WWOX: variants seen among roughly 807,000 people sequenced by gnomAD.
The protein encoded by WWOX is WW domain-containing oxidoreductase.
In WWOX, 69 loss-of-function variants were observed where a neutral mutation model predicts 46.2. The ratio of observed to expected loss-of-function variants is 1.49; its 90% CI spans 1.23 to 1.82. The LOEUF (loss-of-function observed/expected upper bound fraction) is 1.82. WWOX is among the 40% of genes most tolerant of loss of function. The pLI, the probability that WWOX is intolerant of heterozygous loss-of-function variation, is 0.00. For missense variants in WWOX, 919 were observed against 542.6 expected (o/e 1.69, Z -6.89); for synonymous variants, 359 against 202.6 (o/e 1.77, Z -6.56).
intron 8 of WWOX, among the ~76,000 whole-genome samples, chr16:78,862,676 A>G (rs1191208981): frequency 6.6e-6 from 1 of 152,138 alleles, no homozygotes; most frequent in Non-Finnish European, 1.5e-5. Flanking sequence ...TCCAAGTCTG[A>G]GTCCAAGGGC....
intron 4 of WWOX, among the ~76,000 whole-genome samples, chr16:78,157,787 G>A (rs1173829940): frequency 2.0e-5 from 3 of 152,202 alleles, no homozygotes; most frequent in Non-Finnish European, 4.4e-5. Flanking sequence ...CAGCCCTCGG[G>A]TTACCATTGG....
chr16:79,010,151 T>C (rs1181022560), intron 8 of WWOX, among the ~76,000 whole-genome samples: 1 of 152,164 alleles, frequency 6.6e-6, no homozygotes, highest in Non-Finnish European at 1.5e-5. Flanking sequence ...TTAAAAATAA[T>C]CCACCCATGA....
At position 78,607,280 on chromosome 16, in the gene WWOX, A is replaced by G. The variant is rs1184419965; in HGVS notation, c.1056+174528A>G. Among the ~76,000 whole-genome samples the G allele has an allele frequency of 2.6e-5, 4 of 152,332 alleles. No individual in the cohort carries two copies. In the East Asian group the frequency reaches 7.7e-4, roughly 29 times the overall value. The stretch of plus-strand genomic sequence containing the variant: ...ATATTTAATAAACTATATTAAAAAT[A>G]TATACAAAATAGTTGTAAGAATCGG... On this transcript the variant is annotated intron_variant, in intron 8 of 8. Transcript: ENST00000566780.
rs71140808 is a variant in WWOX at position 78,527,991 on chromosome 16, CTTTTTTTTTTTT to C, written c.1056+95253_1056+95264del. On this transcript the variant is annotated intron_variant, in intron 8 of 8. Transcript: ENST00000566780. Reference sequence around the variant, plus strand: ...CTATGTCACAGGACTGGTACATGTCCTTTTTTTTTTTTTTTTTTTTTTTTTGAGACGGAGTCT... The same window carrying C: ...CTATGTCACAGGACTGGTACATGTCCTTTTTTTTTTTTTGAGACGGAGTCT... 1.4e-4 allele frequency among the ~76,000 whole-genome samples: 5 copies of C among 34,886 alleles called. 1 individual carries two copies. Among genetic ancestry groups the C allele is most frequent in the East Asian group, 9.8e-4 (1 of 1,024 alleles). 22.9% of individuals were successfully genotyped at this position (34,886 alleles called of 152,430 possible).
intron 8 of WWOX, among the ~76,000 whole-genome samples, chr16:78,495,609 A>G (rs1034785906): frequency 6.6e-6 from 1 of 151,340 alleles, no homozygotes; most frequent in African/African-American, 2.4e-5. Context: ...CCTGGGTTCA[A>G]GTGACTCTCT....
intron 5 of WWOX, among the ~76,000 whole-genome samples, chr16:78,326,003 G>T (rs187129405): frequency 6.6e-6 from 1 of 152,220 alleles, no homozygotes; most frequent in Non-Finnish European, 1.5e-5. Flanking sequence ...CTCTTTTGCA[G>T]ATGAGGAAAT....
rs373042345 is a variant in WWOX, at chr16:78,607,940, T to C, written c.1056+175188T>C. ...TAAAAATATTGCTGGCTCTGAATTA[T>C]GGAAAGAAAATCGCAAAGTTAAAAT... On this transcript the variant is annotated intron_variant, in intron 8 of 8. Transcript: ENST00000566780. Among the ~76,000 whole-genome samples, 18 of 152,282 alleles carry C rather than the reference T, an allele frequency of 1.2e-4. No homozygotes were observed. In the South Asian group the frequency reaches 2.5e-3, roughly 21 times the overall value.
chr16:78,914,487 T>C (rs2045194918), intron 8 of WWOX, among the ~76,000 whole-genome samples: 1 of 152,010 alleles, frequency 6.6e-6, no homozygotes, highest in Admixed American at 6.6e-5. Context: ...ATGCAGAAGA[T>C]TTCTTATGTG....
At chr16:78,313,816 T>C (rs941068228) in intron 5 of WWOX, among the ~76,000 whole-genome samples, 1 of 152,198 alleles carries the variant, frequency 6.6e-6, no homozygotes, top group Non-Finnish European at 1.5e-5. Flanking sequence ...CACTAGCCTT[T>C]GATCCTTCCT....
chr16:78,491,643 C>T (rs2084787913), intron 8 of WWOX, among the ~76,000 whole-genome samples: 1 of 152,032 alleles, frequency 6.6e-6, no homozygotes, highest in Non-Finnish European at 1.5e-5. Flanking sequence ...GTCTTGTTTT[C>T]AATGCAGTAT....
rs147593763 is a variant in WWOX, at chr16:78,292,889, C to G, written c.517-93971C>G. 4.7e-3 allele frequency among the ~76,000 whole-genome samples: 714 copies of G among 152,240 alleles called. 3 individuals carry two copies. The highest frequency in any genetic ancestry group is 0.016 in the African/African-American group (678 of 41,556). ...AGGATTCCAAATCAGAATCTTCAAG[C>G]CAGTGATCCAGGCCAAAGGTATTCT... On this transcript the variant is annotated intron_variant, in intron 5 of 8. Coordinates refer to ENST00000566780, the MANE Select transcript of WWOX (RefSeq NM_016373.4).
At chr16:78,665,408 A>T (rs1390215765) in intron 8 of WWOX, among the ~76,000 whole-genome samples, 1 of 152,140 alleles carries the variant, frequency 6.6e-6, no homozygotes, top group Non-Finnish European at 1.5e-5. Context: ...TACTGAATAT[A>T]ACTATTGAGT....
At chr16:79,116,320 G>A (rs545378567) in intron 8 of WWOX, among the ~76,000 whole-genome samples, 9 of 152,274 alleles carry the variant, frequency 5.9e-5, no homozygotes, top group East Asian at 3.9e-4. Flanking sequence ...ATGCACTGCC[G>A]TTTGACATCA....
At chr16:78,398,928 C>A (rs929657311) in intron 6 of WWOX, among the ~76,000 whole-genome samples, 1 of 152,178 alleles carries the variant, frequency 6.6e-6, no homozygotes, top group Non-Finnish European at 1.5e-5. Context: ...TTACTGCCTT[C>A]TAGTACAAGG....
intron 8 of WWOX, among the ~76,000 whole-genome samples, chr16:79,120,273 A>G (rs2150674125): frequency 6.6e-6 from 1 of 152,278 alleles, no homozygotes; most frequent in South Asian, 2.1e-4. Context: ...ATTCAGGTAC[A>G]TATACCCTTC....
rs1430091151 is a variant in WWOX at position 78,929,286 on chromosome 16, T to A, written c.1057-282322T>A. 2.6e-5 allele frequency among the ~76,000 whole-genome samples: 4 copies of A among 152,070 alleles called. No individual in the cohort carries two copies. In the East Asian group the frequency reaches 7.7e-4, roughly 29 times the overall value. On this transcript the variant is annotated intron_variant, in intron 8 of 8. Transcript: ENST00000566780. Reference sequence around the variant, plus strand: ...TTTTTGTATTTAAGTTTCCTAGCAGTTCTCTTTTTTAAGAGCCTCAAGTGT... The same window carrying A: ...TTTTTGTATTTAAGTTTCCTAGCAGATCTCTTTTTTAAGAGCCTCAAGTGT...
intron 8 of WWOX, among the ~76,000 whole-genome samples, chr16:78,912,698 T>C (rs1363504255): frequency 6.6e-6 from 1 of 152,020 alleles, no homozygotes; most frequent in African/African-American, 2.4e-5. Context: ...TCCCTTCAGC[T>C]CTCATAAAAC....
At chr16:78,726,836 G>T (rs979899685) in intron 8 of WWOX, among the ~76,000 whole-genome samples, 1 of 152,100 alleles carries the variant, frequency 6.6e-6, no homozygotes, top group Admixed American at 6.6e-5. Flanking sequence ...GAGGCTTTCA[G>T]TTTCTTCATC....
intron 8 of WWOX, among the ~76,000 whole-genome samples, chr16:78,723,272 G>A (rs959666345): frequency 9.9e-5 from 15 of 152,088 alleles, no homozygotes; most frequent in African/African-American, 3.6e-4. Flanking sequence ...AATCACCTGG[G>A]AAGCTTTTGA....
Sources: gnomAD v4.1 joint callset for allele counts (sites outside exome capture counted in the v4.1 genomes callset) on GRCh38, gnomAD v4.1.1 for gene constraint, MANE v1.5 for transcripts, NCBI Gene and HGNC (gene_info 2026-07-23, HGNC 2026-07-21) for gene names.